MIGA1: variants seen among roughly 807,000 people sequenced by gnomAD.
The protein encoded by MIGA1 is mitoguardin 1, also known as family with sequence similarity 73, member A.
Under a neutral mutation model 82.0 loss-of-function variants are expected in MIGA1, and 58 were observed. The observed-to-expected ratio is 0.71, with a 90% CI of 0.57 to 0.88. The LOEUF (loss-of-function observed/expected upper bound fraction) is 0.88. Ranked by LOEUF, MIGA1 falls within the 40% of genes least tolerant of loss-of-function variation. The pLI, the probability that MIGA1 is intolerant of heterozygous loss-of-function variation, is 0.00. For missense variants in MIGA1, 751 were observed against 749.1 expected (o/e 1.00, Z -0.03); for synonymous variants, 249 against 253.6 (o/e 0.98, Z 0.17).
At chr1:77,840,517 A>G (rs1684589092) in intron 7 of MIGA1, among the ~76,000 whole-genome samples, 1 of 152,046 alleles carries the variant, frequency 6.6e-6, no homozygotes, top group African/African-American at 2.4e-5. Context: ...ATTTAATCCC[A>G]CTCTCGGCCG....
rs1340658708 is a variant in MIGA1, at chr1:77,857,831, G to A, written c.997-1107G>A. On this transcript the variant is annotated intron_variant, in intron 8 of 15. Transcript: ENST00000370791. Reference sequence around the variant, plus strand: ...TTTCATATGTAGAGTTGTTATGCTAGCCAAAAGCACGACTGTCTTTCAGTT... The same window carrying A: ...TTTCATATGTAGAGTTGTTATGCTAACCAAAAGCACGACTGTCTTTCAGTT... Among the ~76,000 whole-genome samples the A allele has an allele frequency of 2.0e-5, 3 of 146,400 alleles. No individual in the cohort carries two copies. In the East Asian group the frequency reaches 6.1e-4, roughly 30 times the overall value.
At chr1:77,851,267 T>TAA (rs1685039293) in intron 8 of MIGA1, among the ~76,000 whole-genome samples, 1 of 152,236 alleles carries the variant, frequency 6.6e-6, no homozygotes, top group Non-Finnish European at 1.5e-5. Context: ...AATATAGTAT[T>TAA]ACTTTTCTTT....
intron 7 of MIGA1, among the ~76,000 whole-genome samples, chr1:77,816,470 T>C (rs988777627): frequency 6.6e-6 from 1 of 152,210 alleles, no homozygotes; most frequent in African/African-American, 2.4e-5. Flanking sequence ...AGCTGAACTT[T>C]GAGATATTTA....
chr1:77,804,819 G>A (rs1210553511), intron 4 of MIGA1, among the ~76,000 whole-genome samples: 2 of 151,384 alleles, frequency 1.3e-5, no homozygotes, highest in Non-Finnish European at 2.9e-5. Flanking sequence ...TAGTAGAGAT[G>A]GAGTTTACTA....
At chr1:77,859,533 C>T in intron 10 of MIGA1, 147 bp downstream of exon 10, 4 of 583,438 alleles carry the variant, frequency 6.9e-6, no homozygotes, top group Admixed American at 5.4e-5. Flanking sequence ...ACTTATTTTT[C>T]CTCCCTGCTA....
chr1:77,848,495 G>A, intron 8 of MIGA1: 5 of 1,084,152 alleles, frequency 4.6e-6, no homozygotes, highest in Middle Eastern at 2.1e-4. Context: ...AGAAAGGAAA[G>A]CAGCCCAAGT....
At chr1:77,870,248 G>T (rs1685901819) in intron 14 of MIGA1, among the ~76,000 whole-genome samples, 1 of 130,992 alleles carries the variant, frequency 7.6e-6, no homozygotes, top group East Asian at 2.6e-4. Context: ...CCTCCCGGTC[G>T]GGGTGGCTGC....
chr1:77,827,563 G>C (rs921270466), intron 7 of MIGA1, among the ~76,000 whole-genome samples: 1 of 152,166 alleles, frequency 6.6e-6, no homozygotes, highest in Non-Finnish European at 1.5e-5. Flanking sequence ...GCTGCGTAGA[G>C]ATTCCCTGCC....
chr1:77,860,396 A>G (rs955290204), intron 11 of MIGA1: 1 of 321,068 alleles, frequency 3.1e-6, no homozygotes, highest in Non-Finnish European at 5.6e-6. Context: ...CATCACTGTT[A>G]TTATTACTAA....
chr1:77,859,431 A>G (rs774217538), intron 10 of MIGA1, 45 bp downstream of exon 10: 19 of 1,313,756 alleles, frequency 1.4e-5, no homozygotes, highest in Non-Finnish European at 2.0e-5. Flanking sequence ...ACTCATCCCC[A>G]CCCTCATGCT....
chr1:77,832,813 A>AAT (rs1470778210), intron 7 of MIGA1, among the ~76,000 whole-genome samples: 1 of 152,236 alleles, frequency 6.6e-6, no homozygotes, highest in Non-Finnish European at 1.5e-5. Flanking sequence ...GTCATAATCA[A>AAT]ATTTATGAGT....
At chr1:77,822,440 G>T (rs1477700349) in intron 7 of MIGA1, among the ~76,000 whole-genome samples, 1 of 152,134 alleles carries the variant, frequency 6.6e-6, no homozygotes, top group Non-Finnish European at 1.5e-5. Flanking sequence ...GAAAAAAAGA[G>T]TGAGAGAGAT....
chr1:77,868,771 T>TGAGGTA (rs1354374988), intron 14 of MIGA1: 1 of 152,146 alleles, frequency 6.6e-6, no homozygotes, highest in African/African-American at 2.4e-5. Flanking sequence ...AGAACATACT[T>TGAGGTA]TTTGGCCCTC....
chr1:77,803,389 GCA>G lies in MIGA1; in HGVS notation c.496_497del (p.Gln166GlufsTer13), dbSNP rs1557901261. On this transcript the variant is annotated frameshift_variant, in exon 4 of 16. Coordinates refer to ENST00000370791, the MANE Select transcript of MIGA1 (RefSeq NM_198549.4). LOFTEE classifies it high-confidence loss of function. ...ACTTTTCAGTAAATATTCAGGTTCT[GCA>G]CAGAGTTTGGCCTCTGTAAGTACAG... The G allele has an allele frequency of 6.5e-7, 1 of 1,544,558 alleles. No individual in the cohort carries two copies. The highest frequency in any genetic ancestry group is 8.7e-7 in the Non-Finnish European group (1 of 1,145,682).
At chr1:77,825,197 G>A (rs1410449857) in intron 7 of MIGA1, among the ~76,000 whole-genome samples, 1 of 151,946 alleles carries the variant, frequency 6.6e-6, no homozygotes, top group Admixed American at 6.6e-5. Flanking sequence ...AGTTGAGGCG[G>A]AGTTTCACCA....
chr1:77,825,538 A>G (rs1433430955), intron 7 of MIGA1, among the ~76,000 whole-genome samples: 2 of 152,316 alleles, frequency 1.3e-5, no homozygotes, highest in Admixed American at 1.3e-4. Context: ...GGAGTTAAAT[A>G]TAAGTCAACA....
intron 7 of MIGA1, 126 bp from the exon 8 acceptor site, chr1:77,843,181 G>A (rs1684690499): frequency 3.5e-6 from 2 of 578,172 alleles, no homozygotes; most frequent in East Asian, 5.7e-5. Flanking sequence ...GATACTTACT[G>A]TTTTCTTTTT....
At chr1:77,832,429 TA>T (rs1292961116) in intron 7 of MIGA1, among the ~76,000 whole-genome samples, 1 of 152,208 alleles carries the variant, frequency 6.6e-6, no homozygotes, top group African/African-American at 2.4e-5. Context: ...AAACAGGCAT[TA>T]AAAAATACAC....
Position 77,861,300 on chromosome 1 carries a change from A to T in MIGA1, c.1352A>T (p.Glu451Val), listed in dbSNP as rs1050637764. The T allele has an allele frequency of 1.9e-6, 3 of 1,611,388 alleles. No individual in the cohort carries two copies. The highest frequency in any genetic ancestry group is 1.7e-5 in the Admixed American group (1 of 59,772). ...CAGACCGATCACTGGGGTAGTACTG[A>T]AATGGAACTTGCTGCTAGAGGGGTA... The change falls in exon 12 of 16, where the codon GAA becomes GTA. Residue 451 changes from glutamate to valine, a missense_variant. Glu to Val is a moderately radical substitution (Grantham distance 121, BLOSUM62 -2). Around this residue, in one of 3 missense-constraint regions of MIGA1, gnomAD observed 265 missense variants for 293.6 expected, o/e 0.90. Coordinates refer to ENST00000370791, the MANE Select transcript of MIGA1 (RefSeq NM_198549.4).
Sources: allele counts gnomAD v4.1 joint callset (sites outside exome capture counted in the v4.1 genomes callset), GRCh38; gene constraint gnomAD v4.1.1; regional missense constraint gnomAD v4.1.1; transcripts MANE v1.5; gene names NCBI Gene and HGNC (gene_info 2026-07-23, HGNC 2026-07-21).